The following RNF150 variants were observed in gnomAD, a reference collection of about 807,000 sequenced individuals.
The protein encoded by RNF150 is ring finger protein 150.
A neutral mutation model predicts 39.3 loss-of-function variants in RNF150; 24 were observed. That is an observed-to-expected ratio of 0.61 (90% CI 0.44 to 0.86). RNF150 has a LOEUF of 0.86. Among genes scored for constraint, RNF150 ranks in the 40% least tolerant of loss-of-function variants. RNF150 has a pLI of 0.00. For missense variants in RNF150, 502 were observed against 587.8 expected (o/e 0.85, Z 1.51); for synonymous variants, 255 against 227.3 (o/e 1.12, Z -1.10).
rs555630698 is a variant in RNF150, at chr4:140,995,811, CT to C, written c.485-27939del. On this transcript the variant is annotated intron_variant, in intron 1 of 6. Coordinates refer to ENST00000515673, the MANE Select transcript of RNF150 (RefSeq NM_020724.2). Reference sequence around the variant, plus strand: ...ATTGTTGCAAATGACAGGATATCATCTTTTTTTATGGCTGAATAGTACTCCA... The same window carrying C: ...ATTGTTGCAAATGACAGGATATCATCTTTTTTATGGCTGAATAGTACTCCA... Among the ~76,000 whole-genome samples the C allele has an allele frequency of 1.2e-3, 187 of 152,194 alleles. 1 individual carries two copies. Among genetic ancestry groups the C allele is most frequent in the African/African-American group, 4.0e-3 (168 of 41,548 alleles).
At chr4:140,886,076 A>C (rs1011059689) in intron 6 of RNF150, among the ~76,000 whole-genome samples, 3 of 151,436 alleles carry the variant, frequency 2.0e-5, no homozygotes, top group Admixed American at 6.6e-5. Flanking sequence ...CTGTAGTCCC[A>C]GCTACTCGGG....
chr4:140,940,670 G>A (rs1449802352), intron 4 of RNF150, among the ~76,000 whole-genome samples: 3 of 152,108 alleles, frequency 2.0e-5, no homozygotes, highest in Non-Finnish European at 2.9e-5. Context: ...TCTAGTTGAC[G>A]GTTTATAAAT....
chr4:141,033,867 C>T (rs1736043392), intron 1 of RNF150, among the ~76,000 whole-genome samples: 1 of 152,154 alleles, frequency 6.6e-6, no homozygotes, highest in South Asian at 2.1e-4. Context: ...AACAGATACA[C>T]CATCATCCAT....
At chr4:140,913,522 T>C (rs1730699288) in intron 5 of RNF150, among the ~76,000 whole-genome samples, 1 of 152,202 alleles carries the variant, frequency 6.6e-6, no homozygotes, top group Non-Finnish European at 1.5e-5. Flanking sequence ...AGGTCTCAAG[T>C]TGGCCCCTGG....
intron 1 of RNF150, among the ~76,000 whole-genome samples, chr4:141,124,121 G>A (rs1726688728): frequency 6.6e-6 from 1 of 152,192 alleles, no homozygotes; most frequent in Non-Finnish European, 1.5e-5. Flanking sequence ...CTCTCTTGCT[G>A]AGGCGCCCCA....
chr4:140,987,921 C>A (rs557580609), intron 1 of RNF150, among the ~76,000 whole-genome samples: 1 of 152,134 alleles, frequency 6.6e-6, no homozygotes, highest in African/African-American at 2.4e-5. Context: ...AAGCAAAAAA[C>A]AATCCTATTA....
chr4:141,131,248 T>C (rs1212729138), intron 1 of RNF150, among the ~76,000 whole-genome samples: 1 of 152,272 alleles, frequency 6.6e-6, no homozygotes. Context: ...AAGAAAATAA[T>C]GCTTTTGATT....
At chr4:140,939,843 C>T (rs546080034) in intron 4 of RNF150, among the ~76,000 whole-genome samples, 42 of 152,280 alleles carry the variant, frequency 2.8e-4, no homozygotes, top group African/African-American at 9.9e-4. Flanking sequence ...AACAGGCAGT[C>T]ATTTTCAACT....
At chr4:140,903,249 A>G (rs1030278740) in intron 6 of RNF150, among the ~76,000 whole-genome samples, 2 of 152,132 alleles carry the variant, frequency 1.3e-5, no homozygotes, top group Non-Finnish European at 1.5e-5. Context: ...GTTTACCTCA[A>G]GTAGCTCCAA....
chr4:140,952,971 G>A (rs1578998706), intron 2 of RNF150, among the ~76,000 whole-genome samples: 1 of 152,206 alleles, frequency 6.6e-6, no homozygotes, highest in South Asian at 2.1e-4. Context: ...CTATGGTATA[G>A]CCTATTGCTC....
chr4:141,007,288 G>C (rs187221292), intron 1 of RNF150, among the ~76,000 whole-genome samples: 3 of 152,156 alleles, frequency 2.0e-5, no homozygotes, highest in African/African-American at 7.2e-5. Context: ...TCTTCTGTAA[G>C]GAATCTCTGA....
intron 1 of RNF150, among the ~76,000 whole-genome samples, chr4:141,178,988 A>T (rs1233749746): frequency 1.3e-5 from 2 of 152,000 alleles, no homozygotes; most frequent in Non-Finnish European, 2.9e-5. Flanking sequence ...CCTAAATCTA[A>T]ATTAGGATCC....
chr4:141,209,741 C>A (rs1472136799), intron 1 of RNF150, among the ~76,000 whole-genome samples: 6 of 152,010 alleles, frequency 3.9e-5, no homozygotes, highest in Admixed American at 3.9e-4. Flanking sequence ...TTTAATTCCC[C>A]ATCCACCCAA....
chr4:141,166,115 G>GAT (rs1426252969), intron 1 of RNF150, among the ~76,000 whole-genome samples: 1 of 152,044 alleles, frequency 6.6e-6, no homozygotes, highest in Non-Finnish European at 1.5e-5. Context: ...TGATAAAGGA[G>GAT]ATATCACCAC....
intron 6 of RNF150, among the ~76,000 whole-genome samples, chr4:140,876,381 G>A (rs1445796878): frequency 6.6e-6 from 1 of 152,206 alleles, no homozygotes; most frequent in Non-Finnish European, 1.5e-5. Context: ...TTTAAATGCA[G>A]CGTGTTTGCA....
At chr4:140,953,917 G>T (rs1360103307) in intron 2 of RNF150, among the ~76,000 whole-genome samples, 1 of 152,188 alleles carries the variant, frequency 6.6e-6, no homozygotes, top group East Asian at 1.9e-4. Flanking sequence ...ATTGCACCCA[G>T]TACGAAGAGG....
chr4:141,123,914 G>A (rs1726683247), intron 1 of RNF150, among the ~76,000 whole-genome samples: 1 of 152,298 alleles, frequency 6.6e-6, no homozygotes, highest in Non-Finnish European at 1.5e-5. Context: ...GTATTCCATG[G>A]TGTGTATGTG....
At chr4:141,151,654 A>G (rs1221513031) in intron 1 of RNF150, among the ~76,000 whole-genome samples, 2 of 152,210 alleles carry the variant, frequency 1.3e-5, no homozygotes, top group African/African-American at 4.8e-5. Flanking sequence ...TTAACATTTT[A>G]CCTTAGAATA....
chr4:140,890,857 A>G (rs1729731248), intron 6 of RNF150, among the ~76,000 whole-genome samples: 2 of 152,238 alleles, frequency 1.3e-5, no homozygotes, highest in African/African-American at 2.4e-5. Context: ...CAGAGCTAAG[A>G]ATACAAAATC....
Sources: gnomAD v4.1 joint callset for allele counts (sites outside exome capture counted in the v4.1 genomes callset) on GRCh38, gnomAD v4.1.1 for gene constraint, MANE v1.5 for transcripts, NCBI Gene and HGNC (gene_info 2026-07-23, HGNC 2026-07-21) for gene names.